APOL2: variants seen among roughly 807,000 people sequenced by gnomAD.
APOL2 encodes the protein apolipoprotein L, 2.
In APOL2, 8 loss-of-function variants were observed where a neutral mutation model predicts 7.1. That is an observed-to-expected ratio of 1.12 (90% CI 0.66 to 2.03). The LOEUF (loss-of-function observed/expected upper bound fraction) is 2.03. Ranked by LOEUF, APOL2 falls within the 30% of genes most tolerant of loss-of-function variation. The pLI, the probability that APOL2 is intolerant of heterozygous loss-of-function variation, is 0.00. For missense variants in APOL2, 471 were observed against 415.1 expected (o/e 1.13, Z -1.17); for synonymous variants, 177 against 159.9 (o/e 1.11, Z -0.81).
chr22:36,227,913 C>T lies in APOL2; in HGVS notation c.505G>A (p.Val169Ile), dbSNP rs1327101862. 3 of 1,614,246 alleles carry T rather than the reference C, an allele frequency of 1.9e-6. No individual in the cohort carries two copies. Among genetic ancestry groups the T allele is most frequent in the South Asian group, 2.2e-5 (2 of 91,084 alleles). The change falls in exon 5 of 5, where the codon GTA (valine) becomes ATA (isoleucine). Residue 169 changes from valine to isoleucine, a missense_variant. By Grantham distance (29) the Val-to-Ile change is conservative (BLOSUM62 3). Transcript: ENST00000358502. ...AAVAGITCSVVELVNKLRARA... is the reference protein window; with the variant it reads ...AAVAGITCSVIELVNKLRARA... The stretch of plus-strand genomic sequence containing the variant: ...GCCCGCAATTTGTTTACTAGTTCTA[C>T]CACACTGCAGGTAATCCCAGCCACA...
chr22:36,239,525 A>T lies in APOL2; in HGVS notation c.-218T>A. On this transcript the variant is annotated 5_prime_UTR_variant, in exon 1 of 5. Coordinates refer to ENST00000358502, the MANE Select transcript of APOL2 (RefSeq NM_030882.4). The stretch of plus-strand genomic sequence containing the variant: ...CCCACGTCCAGCTGTGCATCTGTGT[A>T]ATAACCAGACACGTCCTCCGGCCTC... 6.3e-7 allele frequency: 1 copy of T among 1,585,606 alleles called. No individual in the cohort carries two copies. The highest frequency in any genetic ancestry group is 8.5e-7 in the Non-Finnish European group (1 of 1,172,580).
In APOL2 at chr22:36,227,168, T is replaced by C. The variant is rs2015023432; in HGVS notation, c.*236A>G. ...GTCTCCAGTGAAAATACAAAAAAAT[T>C]AGCCGGGCGTGGTGGCAGGTGCCTG... On this transcript the variant is annotated 3_prime_UTR_variant, in exon 5 of 5. Coordinates refer to ENST00000358502, the MANE Select transcript of APOL2 (RefSeq NM_030882.4). 9.7e-6 allele frequency: 4 copies of C among 412,412 alleles called. No homozygotes were observed. In the South Asian group the frequency reaches 1.9e-4, roughly 19 times the overall value. 25.5% of individuals were successfully genotyped at this position (412,412 alleles called of 1,614,324 possible). A position where few individuals can be genotyped will look rare whatever the true frequency, so the allele number is the denominator to read the frequency against.
chr22:36,232,731 C>G (rs937286607), intron 3 of APOL2, among the ~76,000 whole-genome samples: 10 of 152,042 alleles, frequency 6.6e-5, no homozygotes, highest in Non-Finnish European at 1.5e-4. Context: ...GGGAGGGGAC[C>G]GGCCTGTGCT....
Position 36,227,221 on chromosome 22 carries a change from C to A in APOL2, c.*183G>T, listed in dbSNP as rs1306839692. 1.1e-5 allele frequency: 7 copies of A among 654,718 alleles called. No homozygotes were observed. Among genetic ancestry groups the A allele is most frequent in the Admixed American group, 7.4e-5 (2 of 27,102 alleles). The allele number at this position is 654,718 out of a possible 1,614,324, so 40.6% of individuals were successfully genotyped here. ...GTCCCAGCTACTCGGGAGACTGAGG[C>A]CGGAGAATGGTGTGAACCCGGGAGG... On this transcript the variant is annotated 3_prime_UTR_variant, in exon 5 of 5. Transcript: ENST00000358502.
chr22:36,230,871 T>C (rs1368368305), intron 4 of APOL2, among the ~76,000 whole-genome samples: 1 of 152,148 alleles, frequency 6.6e-6, no homozygotes, highest in Non-Finnish European at 1.5e-5. Context: ...GGTTAGGATT[T>C]TTCTGACTTT....
At position 36,227,726 on chromosome 22, in the gene APOL2, C is replaced by G. The variant is rs369744900; in HGVS notation, c.692G>C (p.Arg231Thr). The part of the protein sequence containing the change: ...GRNIRAIRRA[R>T]ANPQLGAYAP... The stretch of plus-strand genomic sequence containing the variant: ...ATACGCTCCTAACTGAGGGTTGGCT[C>G]TGGCTCGTCTGATGGCACGGATGTT... The change falls in exon 5 of 5, where the codon AGA becomes ACA. Residue 231 changes from arginine to threonine, a missense_variant. Arg to Thr is a moderately conservative substitution (Grantham distance 71). Transcript: ENST00000358502. 84 of 1,614,238 alleles carry G rather than the reference C, an allele frequency of 5.2e-5. No homozygotes were observed. Among genetic ancestry groups the G allele is most frequent in the Non-Finnish European group, 7.1e-5 (84 of 1,180,044 alleles).
Position 36,231,464 on chromosome 22 carries a change from T to C in APOL2, c.13A>G (p.Ser5Gly). Residue 5 changes from serine to glycine, a missense_variant and splice_region_variant, in exon 4 of 5, where the codon AGC (serine) becomes GGC (glycine). Physicochemically the swap from Ser to Gly is moderately conservative, Grantham distance 56. Coordinates refer to ENST00000358502, the MANE Select transcript of APOL2 (RefSeq NM_030882.4). Reference sequence around the variant, plus strand: ...AGGTAATCCTCAATAAAGATACTGCTCTCTAGTTGGAAAGAAGAAAGGATA... The same window carrying C: ...AGGTAATCCTCAATAAAGATACTGCCCTCTAGTTGGAAAGAAGAAAGGATA... MNPE[S>G]SIFIEDYLKY... 6.2e-7 allele frequency: 1 copy of C among 1,608,576 alleles called. No homozygotes were observed. Among genetic ancestry groups the C allele is most frequent in the African/African-American group, 1.4e-5 (1 of 70,840 alleles).
chr22:36,229,487 G>A (rs1281871102), intron 4 of APOL2, among the ~76,000 whole-genome samples: 2 of 152,198 alleles, frequency 1.3e-5, no homozygotes, highest in African/African-American at 4.8e-5. Context: ...ATTCACACAG[G>A]AGAACACAGC....
At chr22:36,228,387 CA>C in intron 4 of APOL2, 107 bp from the exon 5 acceptor site, 1 of 1,392,034 alleles carries the variant, frequency 7.2e-7, no homozygotes, top group Non-Finnish European at 9.7e-7. Flanking sequence ...CACTATCAAT[CA>C]AATAGAAACA....
chr22:36,239,116 T>G, intron 1 of APOL2: 1 of 1,179,832 alleles, frequency 8.5e-7, no homozygotes. Context: ...CCCAAAGAGA[T>G]GGGCACCCCC....
rs751867133 is a variant in APOL2 at position 36,233,272 on chromosome 22, G to A, written c.-79-31C>T. 11 of 1,611,670 alleles carry A rather than the reference G, an allele frequency of 6.8e-6. 1 individual carries two copies. In the Admixed American group the frequency reaches 8.3e-5, roughly 12 times the overall value. ...GAACGAGAAAACAAATTGTGGGATC[G>A]AAGGTGAGCCTCCTGTGTACAGAGG... On this transcript the variant is annotated intron_variant, in intron 2 of 4. Transcript: ENST00000358502.
In APOL2 at chr22:36,228,094, C is replaced by T. The variant is rs777556274; in HGVS notation, c.324G>A (p.Gln108=). 2.5e-6 allele frequency: 4 copies of T among 1,614,214 alleles called. No individual in the cohort carries two copies. The highest frequency in any genetic ancestry group is 4.5e-5 in the East Asian group (2 of 44,888). ...KLRALAEEVE[Q]VHRGTTIANV... ...TGGCAATGGTGGTGCCTCTGTGGAC[C>T]TGCTCAACCTCCTCTGCAAGGGCAC... The change falls in exon 5 of 5, where the codon CAG becomes CAA. Residue 108 remains glutamine (Q), a synonymous_variant. Coordinates refer to ENST00000358502, the MANE Select transcript of APOL2 (RefSeq NM_030882.4).
chr22:36,236,698 C>T (rs2015415519), intron 1 of APOL2: 1 of 985,130 alleles, frequency 1.0e-6, no homozygotes, highest in African/African-American at 1.7e-5. Context: ...TCCTCCAGCT[C>T]TTATACAAAA....
rs2015221430 is a variant in APOL2, at chr22:36,231,453, A to G, written c.24T>C (p.Phe8=). 1 of 1,612,678 alleles carries G rather than the reference A, an allele frequency of 6.2e-7. No individual in the cohort carries two copies. The highest frequency in any genetic ancestry group is 8.5e-7 in the Non-Finnish European group (1 of 1,179,774). Residue 8 remains phenylalanine, a synonymous_variant, in exon 4 of 5, where the codon TTT becomes TTC. Coordinates refer to ENST00000358502, the MANE Select transcript of APOL2 (RefSeq NM_030882.4). MNPESSI[F]IEDYLKYFQD... Reference sequence around the variant, plus strand: ...GGAAATACTTAAGGTAATCCTCAATAAAGATACTGCTCTCTAGTTGGAAAG... The same window carrying G: ...GGAAATACTTAAGGTAATCCTCAATGAAGATACTGCTCTCTAGTTGGAAAG...
intron 1 of APOL2, among the ~76,000 whole-genome samples, chr22:36,237,982 C>T (rs549964674): frequency 6.6e-6 from 1 of 152,298 alleles, no homozygotes; most frequent in South Asian, 2.1e-4. Flanking sequence ...GTCACCTGTC[C>T]TCAGAGACCC....
chr22:36,231,295 T>C (rs1275651051), intron 4 of APOL2, 45 bp downstream of exon 4: 1 of 1,603,106 alleles, frequency 6.2e-7, no homozygotes, highest in Non-Finnish European at 8.5e-7. Context: ...GAGATCTGAG[T>C]GGCATCGCTG....
intron 1 of APOL2, among the ~76,000 whole-genome samples, chr22:36,238,176 G>T (rs949741626): frequency 6.6e-6 from 1 of 152,176 alleles, no homozygotes; most frequent in African/African-American, 2.4e-5. Context: ...TGACCTGGAT[G>T]CCCTCCGCCC....
Position 36,231,519 on chromosome 22 carries a change from C to T in APOL2, c.11-53G>A, listed in dbSNP as rs1874612493. The stretch of plus-strand genomic sequence containing the variant: ...TGGAGGATAGTGTAGGGGAGCATAA[C>T]AGCCATTGCACATTAGGTGGTTACA... On this transcript the variant is annotated intron_variant, in intron 3 of 4. Coordinates refer to ENST00000358502, the MANE Select transcript of APOL2 (RefSeq NM_030882.4). The T allele has an allele frequency of 2.5e-6, 4 of 1,587,152 alleles. No individual in the cohort carries two copies. In the Admixed American group the frequency reaches 5.1e-5, roughly 20 times the overall value.
intron 1 of APOL2, chr22:36,239,133 T>C: frequency 1.7e-6 from 2 of 1,203,552 alleles, no homozygotes; most frequent in South Asian, 2.7e-5. Context: ...CCCCAACACC[T>C]ACCTTTCTTC....
Sources: allele counts gnomAD v4.1 joint callset (sites outside exome capture counted in the v4.1 genomes callset), GRCh38; gene constraint gnomAD v4.1.1; transcripts MANE v1.5; gene names NCBI Gene and HGNC (gene_info 2026-07-23, HGNC 2026-07-21).